Variants in FMNL1 observed in about 807,000 individuals in gnomAD.
The protein encoded by FMNL1 is formin-like protein 1.
In FMNL1, 43 loss-of-function variants were observed where a neutral mutation model predicts 121.3. That is an observed-to-expected ratio of 0.35 (90% confidence interval 0.28 to 0.46). FMNL1 has a LOEUF of 0.46. FMNL1 is among the 20% of genes least tolerant of loss of function. The pLI is 1.00. For synonymous variants in FMNL1, 613 were observed against 613.5 expected (o/e 1.00, Z 0.01); for missense variants, 1,191 against 1,482.4 (o/e 0.80, Z 3.23).
At chr17:45,223,513 C>A (rs1263352319) in intron 1 of FMNL1, among the ~76,000 whole-genome samples, 2 of 152,150 alleles carry the variant, frequency 1.3e-5, no homozygotes, top group African/African-American at 4.8e-5. Flanking sequence ...TGTGAAGACA[C>A]CTTGCTTGAT....
chr17:45,236,379 G>A, intron 7 of FMNL1, 135 bp downstream of exon 7: 2 of 687,658 alleles, frequency 2.9e-6, no homozygotes, highest in Non-Finnish European at 4.9e-6. Context: ...CATCTGGGCT[G>A]TTGGCTCAGG....
intron 1 of FMNL1, 132 bp from the exon 2 acceptor site, chr17:45,230,472 T>A: frequency 1.4e-6 from 1 of 724,340 alleles, no homozygotes. Context: ...ACTACGTATC[T>A]CCTAGGGTCA....
rs2043743277 is a variant in FMNL1 at position 45,242,972 on chromosome 17, C to G, written c.2011-146C>G. 7.1e-6 allele frequency: 6 copies of G among 848,272 alleles called. No individual in the cohort carries two copies. The South Asian group carries it at 9.9e-5, about 14-fold the overall frequency. 52.5% of individuals were successfully genotyped at this position (848,272 alleles called of 1,614,324 possible). ...CTCCCTGTGCTTCCCCTGTGCCTCC[C>G]ATCAGGGCCTGTGGTCAGGCTGGGT... On this transcript the variant is annotated intron_variant, in intron 16 of 26. Transcript: ENST00000331495.
At chr17:45,224,645 G>A (rs1348607969) in intron 1 of FMNL1, among the ~76,000 whole-genome samples, 1 of 152,230 alleles carries the variant, frequency 6.6e-6, no homozygotes, top group Non-Finnish European at 1.5e-5. Flanking sequence ...GTGGGTGAGG[G>A]GTGTCCCCAC....
chr17:45,238,324 T>G (rs984427933), intron 9 of FMNL1: 7 of 462,750 alleles, frequency 1.5e-5, no homozygotes, highest in Non-Finnish European at 2.7e-5. Context: ...CTCCAGGGAG[T>G]TGGAACAGTA....
intron 25 of FMNL1, 75 bp downstream of exon 25, chr17:45,246,405 C>T (rs762762136): frequency 6.2e-7 from 1 of 1,612,994 alleles, no homozygotes; most frequent in African/African-American, 1.3e-5. Context: ...ATGCGCTATC[C>T]TCTGGGGGAC....
In FMNL1 at chr17:45,237,949, G is replaced by A. The variant is rs192600238; in HGVS notation, c.894+310G>A. 1.5e-4 allele frequency: 47 copies of A among 312,022 alleles called. No individual in the cohort carries two copies. The East Asian group carries it at 2.4e-3, about 16-fold the overall frequency. The allele number at this position is 312,022 out of a possible 1,614,324, so 19.3% of individuals were successfully genotyped here. A position where few individuals can be genotyped will look rare whatever the true frequency, so the allele number is the denominator to read the frequency against. On this transcript the variant is annotated intron_variant, in intron 9 of 26. Coordinates refer to ENST00000331495, the MANE Select transcript of FMNL1 (RefSeq NM_005892.4). The surrounding 1 kb of genome is among the most constrained non-coding windows in gnomAD (Gnocchi z 4.4). Reference sequence around the variant, plus strand: ...CTTGGTTCATACCTCCAGGAGTTGCGGACTCTGGCTAACAGGCTTGCAAGA... The same window carrying A: ...CTTGGTTCATACCTCCAGGAGTTGCAGACTCTGGCTAACAGGCTTGCAAGA...
chr17:45,230,062 T>A (rs550576211), intron 1 of FMNL1, among the ~76,000 whole-genome samples: 1 of 152,120 alleles, frequency 6.6e-6, no homozygotes, highest in African/African-American at 2.4e-5. Flanking sequence ...TGCTGTCCAC[T>A]CTCCTTGCAA....
In FMNL1 at chr17:45,233,155, C is replaced by T; in HGVS notation, c.328-69C>T. The T allele has an allele frequency of 1.3e-6, 2 of 1,503,048 alleles. No homozygotes were observed. The highest frequency in any genetic ancestry group is 1.8e-6 in the Non-Finnish European group (2 of 1,103,666). 93.1% of individuals were successfully genotyped at this position (1,503,048 alleles called of 1,614,324 possible). On this transcript the variant is annotated intron_variant, in intron 3 of 26. Coordinates refer to ENST00000331495, the MANE Select transcript of FMNL1 (RefSeq NM_005892.4). This position sits in a 1 kb window ranked among gnomAD's most constrained non-coding sequence, Gnocchi z 4.1. ...GGAGGGTGGGCGCTGCTGCCTGCTG[C>T]CTCAGGACTTGGTGGGCCTGTGGGA...
At chr17:45,239,191 C>G in intron 11 of FMNL1, 126 bp downstream of exon 11, 2 of 741,436 alleles carry the variant, frequency 2.7e-6, no homozygotes, top group Non-Finnish European at 4.8e-6. Context: ...CGTTGCCTGC[C>G]GTGTGACCTT....
chr17:45,224,654 A>AGACAGGAGT (rs2043297148), intron 1 of FMNL1, among the ~76,000 whole-genome samples: 1 of 152,144 alleles, frequency 6.6e-6, no homozygotes. Context: ...GGGTGTCCCC[A>AGACAGGAGT]CTTACAGCCA....
rs1025530188 is a variant in FMNL1 at position 45,237,900 on chromosome 17, C to G, written c.894+261C>G. ...ACAGGGACCTGCTGAACCTCTGACT[C>G]AGCCTTGCCAGATCCAAACTAGCCT... On this transcript the variant is annotated intron_variant, in intron 9 of 26. Coordinates refer to ENST00000331495, the MANE Select transcript of FMNL1 (RefSeq NM_005892.4). The surrounding 1 kb of genome is among the most constrained non-coding windows in gnomAD (Gnocchi z 4.4). The G allele has an allele frequency of 3.6e-5, 15 of 412,904 alleles. No homozygotes were observed. Among genetic ancestry groups the G allele is most frequent in the South Asian group, 1.1e-4 (4 of 34,994 alleles). The allele number at this position is 412,904 out of a possible 1,614,324, so 25.6% of individuals were successfully genotyped here.
At position 45,237,872 on chromosome 17, in the gene FMNL1, A is replaced by G. The variant is rs2043586714; in HGVS notation, c.894+233A>G. Reference sequence around the variant, plus strand: ...CACCACCTGGGTGGGGGTAGGGACAACTACAGGGACCTGCTGAACCTCTGA... The same window carrying G: ...CACCACCTGGGTGGGGGTAGGGACAGCTACAGGGACCTGCTGAACCTCTGA... On this transcript the variant is annotated intron_variant, in intron 9 of 26. Coordinates refer to ENST00000331495, the MANE Select transcript of FMNL1 (RefSeq NM_005892.4). This position sits in a 1 kb window ranked among gnomAD's most constrained non-coding sequence, Gnocchi z 4.4. 6.6e-6 allele frequency among the ~76,000 whole-genome samples: 1 copy of G among 152,188 alleles called. No homozygotes were observed. The highest frequency in any genetic ancestry group is 1.5e-5 in the Non-Finnish European group (1 of 68,030).
At chr17:45,226,651 T>C (rs1254425846) in intron 1 of FMNL1, among the ~76,000 whole-genome samples, 1 of 152,188 alleles carries the variant, frequency 6.6e-6, no homozygotes, top group East Asian at 1.9e-4. Flanking sequence ...TGAGTTTTGA[T>C]GTAAAGTGCT....
At chr17:45,246,160 T>G (rs1219342506) in intron 24 of FMNL1, 50 bp from the exon 25 acceptor site, 2 of 1,573,966 alleles carry the variant, frequency 1.3e-6, no homozygotes, top group Admixed American at 1.8e-5. Flanking sequence ...TATTCCAGGG[T>G]TTTGGTGATG....
In FMNL1 at chr17:45,228,586, G is replaced by T. The variant is rs577284256; in HGVS notation, c.130-2018G>T. ...GGTGCCAGTGACGGCAGTGAGGGTG[G>T]AAGGCAGTCGTCGGCGCGCAGGGCT... On this transcript the variant is annotated intron_variant, in intron 1 of 26. Coordinates refer to ENST00000331495, the MANE Select transcript of FMNL1 (RefSeq NM_005892.4). Among the ~76,000 whole-genome samples the T allele has an allele frequency of 1.9e-3, 286 of 152,358 alleles. 1 individual carries two copies. The highest frequency in any genetic ancestry group is 6.8e-3 in the African/African-American group (281 of 41,586).
At chr17:45,244,130 A>G in intron 18 of FMNL1, 46 bp from the exon 19 acceptor site, 1 of 1,609,378 alleles carries the variant, frequency 6.2e-7, no homozygotes, top group African/African-American at 1.3e-5. Flanking sequence ...GAGCCTCCAG[A>G]TGGAGGAGGC....
At chr17:45,225,995 C>T (rs2043321354) in intron 1 of FMNL1, among the ~76,000 whole-genome samples, 1 of 152,276 alleles carries the variant, frequency 6.6e-6, no homozygotes, top group South Asian at 2.1e-4. Flanking sequence ...ATCTGGTCCT[C>T]TCCATCTCAG....
In FMNL1 at chr17:45,233,380, C is replaced by T. The variant is rs1278870131; in HGVS notation, c.401+83C>T. The T allele has an allele frequency of 3.6e-6, 5 of 1,376,976 alleles. No homozygotes were observed. In the East Asian group the frequency reaches 1.3e-4, roughly 34 times the overall value. The allele number at this position is 1,376,976 out of a possible 1,614,324, so 85.3% of individuals were successfully genotyped here. A position where few individuals can be genotyped will look rare whatever the true frequency, so the allele number is the denominator to read the frequency against. Reference sequence around the variant, plus strand: ...CTCCTGGAGCTTCCCCTTCCTACTCCCCCTGCCCCCTGCACAAGGCTGTGC... The same window carrying T: ...CTCCTGGAGCTTCCCCTTCCTACTCTCCCTGCCCCCTGCACAAGGCTGTGC... On this transcript the variant is annotated intron_variant, in intron 4 of 26. Transcript: ENST00000331495. This position sits in a 1 kb window ranked among gnomAD's most constrained non-coding sequence, Gnocchi z 4.1.
Sources: allele counts gnomAD v4.1 joint callset (sites outside exome capture counted in the v4.1 genomes callset), GRCh38; gene constraint gnomAD v4.1.1; non-coding constraint Gnocchi (gnomAD v3.1); transcripts MANE v1.5; gene names NCBI Gene and HGNC (gene_info 2026-07-23, HGNC 2026-07-21).